Variants in DDX41 observed in about 807,000 individuals in gnomAD.
DDX41 encodes DEAD-box helicase 41.
DDX41 carries 50 observed loss-of-function variants against 78.8 expected under a neutral mutation model. The ratio of observed to expected loss-of-function variants is 0.63; its 90% CI spans 0.51 to 0.80. DDX41 has a LOEUF of 0.80. DDX41 is among the 30% of genes least tolerant of loss of function. DDX41 has a pLI of 0.00. For missense variants in DDX41, 633 were observed against 849.2 expected (o/e 0.75, Z 3.16); for synonymous variants, 381 against 321.5 (o/e 1.19, Z -1.98).
In DDX41 at chr5:177,515,066, T is replaced by TA. The variant is rs745800400; in HGVS notation, c.647dup (p.Ser217IlefsTer4). 4 of 1,612,408 alleles carry TA rather than the reference T, an allele frequency of 2.5e-6. No homozygotes were observed. The highest frequency in any genetic ancestry group is 3.4e-6 in the Non-Finnish European group (4 of 1,178,786). On this transcript the variant is annotated frameshift_variant, in exon 8 of 17. Transcript: ENST00000330503. LOFTEE classifies it high-confidence loss of function. ...CGATGCCTATCATGTCACGGCCAGA[T>TA]AGACTGTTGGGAGAGGATGACCCGA...
rs762031272 is a variant in DDX41, at chr5:177,512,205, A to G, written c.1623T>C (p.Asp541=). ...IATTFINKAC[D]ESVLMDLKAL... is the part of the protein sequence containing the mutation. ...CTTTGAGGTCCATCAGCACTGACTC[A>G]TCTGGGGGAGGAGTGGGGAAGCATC... Residue 541 remains aspartate (D), a splice_region_variant and synonymous_variant, in exon 16 of 17, where the codon GAT becomes GAC. Transcript: ENST00000330503. 1 of 1,613,754 alleles carries G rather than the reference A, an allele frequency of 6.2e-7. No homozygotes were observed. The highest frequency in any genetic ancestry group is 1.7e-5 in the Admixed American group (1 of 60,020).
intron 5 of DDX41, 26 bp downstream of exon 5, chr5:177,515,903 G>A (rs373974491): frequency 6.2e-7 from 1 of 1,614,150 alleles, no homozygotes; most frequent in African/African-American, 1.3e-5. Context: ...CCTAAGCAAG[G>A]GCAACTGCAG....
intron 12 of DDX41, 35 bp from the exon 13 acceptor site, chr5:177,512,911 C>T: frequency 6.2e-7 from 1 of 1,610,426 alleles, no homozygotes; most frequent in Non-Finnish European, 8.5e-7. Flanking sequence ...CAGGGGCTAA[C>T]TGCCTGGGCA....
At position 177,512,688 on chromosome 5, in the gene DDX41, A is replaced by G. The variant is rs780210159; in HGVS notation, c.1400-43T>C. ...GACACTGTCAGAGCCACCATGGGAC[A>G]GGGGAGTGGCAGGCCAACCAGGCAG... On this transcript the variant is annotated intron_variant, in intron 13 of 16. Transcript: ENST00000330503. 15 of 1,613,332 alleles carry G rather than the reference A, an allele frequency of 9.3e-6. No individual in the cohort carries two copies. The Admixed American group carries it at 2.3e-4, about 25-fold the overall frequency.
At position 177,515,082 on chromosome 5, in the gene DDX41, G is replaced by A. The variant is rs1761162679; in HGVS notation, c.645-13C>T. ...ACGGCCAGATAGACTGTTGGGAGAG[G>A]ATGACCCGAGGGCCAATTTCAACAG... On this transcript the variant is annotated splice_polypyrimidine_tract_variant and intron_variant, in intron 7 of 16. Coordinates refer to ENST00000330503, the MANE Select transcript of DDX41 (RefSeq NM_016222.4). The A allele has an allele frequency of 6.2e-7, 1 of 1,611,774 alleles. No individual in the cohort carries two copies. The highest frequency in any genetic ancestry group is 8.5e-7 in the Non-Finnish European group (1 of 1,178,046).
chr5:177,514,457 A>T lies in DDX41; in HGVS notation c.935+244T>A, dbSNP rs994736373. Among the ~76,000 whole-genome samples, 1 of 152,002 alleles carries T rather than the reference A, an allele frequency of 6.6e-6. No individual in the cohort carries two copies. Among genetic ancestry groups the T allele is most frequent in the Non-Finnish European group, 1.5e-5 (1 of 67,960 alleles). On this transcript the variant is annotated intron_variant, in intron 9 of 16. Transcript: ENST00000330503. This position sits in a 1 kb window ranked among gnomAD's most constrained non-coding sequence, Gnocchi z 4.2. ...CACCTTCCCGGAAAAGCCTTCTCTG[A>T]GCTCCCACCTCCCAGATGTCCCCAG...
Position 177,514,622 on chromosome 5 carries a change from G to A in DDX41, c.935+79C>T, listed in dbSNP as rs1761135052. On this transcript the variant is annotated intron_variant, in intron 9 of 16. Transcript: ENST00000330503. This position sits in a 1 kb window ranked among gnomAD's most constrained non-coding sequence, Gnocchi z 4.2. ...AGCCCTCTGTGAAGATCTGTGGAGT[G>A]GCTAAGGTAAAGGGTCCTTTAGCTT... 6.5e-7 allele frequency: 1 copy of A among 1,528,544 alleles called. No homozygotes were observed. Among genetic ancestry groups the A allele is most frequent in the Non-Finnish European group, 8.8e-7 (1 of 1,135,734 alleles). The allele number at this position is 1,528,544 out of a possible 1,614,324, so 94.7% of individuals were successfully genotyped here.
Position 177,514,567 on chromosome 5 carries a change from T to C in DDX41, c.935+134A>G. The C allele has an allele frequency of 7.9e-7, 1 of 1,272,738 alleles. No individual in the cohort carries two copies. Among genetic ancestry groups the C allele is most frequent in the South Asian group, 1.4e-5 (1 of 69,942 alleles). 78.8% of individuals were successfully genotyped at this position (1,272,738 alleles called of 1,614,324 possible). A position where few individuals can be genotyped will look rare whatever the true frequency, so the allele number is the denominator to read the frequency against. ...CCCCCAACTAACCTCCCCATTAGAC[T>C]GGGAGCTCCTTGAGGGTCGCACTCA... is the stretch of plus-strand genomic sequence containing the variant. On this transcript the variant is annotated intron_variant, in intron 9 of 16. Transcript: ENST00000330503. This position sits in a 1 kb window ranked among gnomAD's most constrained non-coding sequence, Gnocchi z 4.2.
intron 2 of DDX41, 129 bp from the exon 3 acceptor site, chr5:177,516,576 G>T (rs1761244615): frequency 1.4e-6 from 2 of 1,399,628 alleles, no homozygotes; most frequent in Non-Finnish European, 2.0e-6. Flanking sequence ...AGATCAAGCC[G>T]TCGGTCCCTC....
Position 177,513,216 on chromosome 5 carries a change from C to T in DDX41, c.1231-134G>A. On this transcript the variant is annotated intron_variant, in intron 11 of 16. Transcript: ENST00000330503. This position sits in a 1 kb window ranked among gnomAD's most constrained non-coding sequence, Gnocchi z 4.6. ...CAAGGGCTGGTGCCCTAAAAATGGCCCTGGTTAAGCGTCAGGGGCTTTGAA... is the reference window on the plus strand; with the variant it reads ...CAAGGGCTGGTGCCCTAAAAATGGCTCTGGTTAAGCGTCAGGGGCTTTGAA... 2.0e-6 allele frequency: 3 copies of T among 1,526,412 alleles called. No homozygotes were observed. The highest frequency in any genetic ancestry group is 2.7e-6 in the Non-Finnish European group (3 of 1,125,350). 94.6% of individuals were successfully genotyped at this position (1,526,412 alleles called of 1,614,324 possible).
intron 6 of DDX41, 25 bp downstream of exon 6, chr5:177,515,660 G>T (rs1334651414): frequency 6.2e-7 from 1 of 1,612,272 alleles, no homozygotes; most frequent in Non-Finnish European, 8.5e-7. Context: ...TAAAAGTGTG[G>T]TATCTCTCTC....
In DDX41 at chr5:177,516,932, T is replaced by A; in HGVS notation, c.14A>T (p.Glu5Val). The change falls in exon 1 of 17, where the codon GAA becomes GTA. Residue 5 changes from glutamate to valine, a missense_variant. Physicochemically the swap from Glu to Val is moderately radical, Grantham distance 121. Transcript: ENST00000330503. Reference sequence around the variant, plus strand: ...CCTCTCTCCTACCTTCCGTTCGGGTTCCGACTCCTCCATTCTTTGCTGCAC... The same window carrying A: ...CCTCTCTCCTACCTTCCGTTCGGGTACCGACTCCTCCATTCTTTGCTGCAC... MEES[E>V]PERKRARTDE... 3.7e-6 allele frequency: 6 copies of A among 1,613,092 alleles called. No homozygotes were observed. In the South Asian group the frequency reaches 6.6e-5, roughly 18 times the overall value.
Position 177,516,739 on chromosome 5 carries a change from G to A in DDX41, c.124C>T (p.Arg42Cys), listed in dbSNP as rs1414400375. 1 of 1,604,542 alleles carries A rather than the reference G, an allele frequency of 6.2e-7. No individual in the cohort carries two copies. Among genetic ancestry groups the A allele is most frequent in the Non-Finnish European group, 8.5e-7 (1 of 1,176,310 alleles). Residue 42 changes from arginine (R) to cysteine (C), a missense_variant, in exon 2 of 17, where the codon CGC becomes TGC. Coordinates refer to ENST00000330503, the MANE Select transcript of DDX41 (RefSeq NM_016222.4). The stretch of plus-strand genomic sequence containing the variant: ...GTGCCCCTCACCAGTAGCTGCCGGC[G>A]CTGCCGTAACGGCACATAGGGCACG... ...DYVPYVPLRQ[R>C]RQLLLQKLLQ...
In DDX41 at chr5:177,514,405, G is replaced by T; in HGVS notation, c.935+296C>A. 1 of 510,368 alleles carries T rather than the reference G, an allele frequency of 2.0e-6. No individual in the cohort carries two copies. The highest frequency in any genetic ancestry group is 2.0e-5 in the South Asian group (1 of 49,866). The allele number at this position is 510,368 out of a possible 1,614,324, so 31.6% of individuals were successfully genotyped here. On this transcript the variant is annotated intron_variant, in intron 9 of 16. Coordinates refer to ENST00000330503, the MANE Select transcript of DDX41 (RefSeq NM_016222.4). This position sits in a 1 kb window ranked among gnomAD's most constrained non-coding sequence, Gnocchi z 4.2. The stretch of plus-strand genomic sequence containing the variant: ...CGTCCGCCTCTGTGCTTTCAGCCTG[G>T]ACTGCCCCTCTTCCCAATTCAAATG...
In DDX41 at chr5:177,514,595, G is replaced by A. The variant is rs1464465901; in HGVS notation, c.935+106C>T. ...GAGCTCCTTGAGGGTCGCACTCACA[G>A]CAGCCCTCTGTGAAGATCTGTGGAG... On this transcript the variant is annotated intron_variant, in intron 9 of 16. Coordinates refer to ENST00000330503, the MANE Select transcript of DDX41 (RefSeq NM_016222.4). This position sits in a 1 kb window ranked among gnomAD's most constrained non-coding sequence, Gnocchi z 4.2. 11 of 1,458,148 alleles carry A rather than the reference G, an allele frequency of 7.5e-6. No homozygotes were observed. 90.3% of individuals were successfully genotyped at this position (1,458,148 alleles called of 1,614,324 possible). A position where few individuals can be genotyped will look rare whatever the true frequency, so the allele number is the denominator to read the frequency against.
chr5:177,511,986 T>C lies in DDX41; in HGVS notation c.1733-59A>G. ...AGGACCAGGATCCATGCCCTGGACT[T>C]CGGGCCCCCCGTTAGGCACCCTCGG... On this transcript the variant is annotated intron_variant, in intron 16 of 16. Transcript: ENST00000330503. 3 of 1,607,118 alleles carry C rather than the reference T, an allele frequency of 1.9e-6. No homozygotes were observed. The South Asian group carries it at 3.3e-5, about 18-fold the overall frequency.
In DDX41 at chr5:177,515,172, C is replaced by A. The variant is rs1449759137; in HGVS notation, c.644+14G>T. ...GCCCTCCTCAAGGACCCCAGGTCCA[C>A]AGTCCACACTCACATGGTGGGGATG... On this transcript the variant is annotated intron_variant, in intron 7 of 16. Coordinates refer to ENST00000330503, the MANE Select transcript of DDX41 (RefSeq NM_016222.4). 1.2e-6 allele frequency: 2 copies of A among 1,614,030 alleles called. No homozygotes were observed.
Position 177,514,188 on chromosome 5 carries a change from C to G in DDX41, c.936-341G>C. On this transcript the variant is annotated intron_variant, in intron 9 of 16. Transcript: ENST00000330503. The surrounding 1 kb of genome is among the most constrained non-coding windows in gnomAD (Gnocchi z 4.2). ...CTGTGCTCACCATCTCCCTAATACT[C>G]AGAAGTCCGTGGAGGAAGGCCTCCG... 1 of 517,162 alleles carries G rather than the reference C, an allele frequency of 1.9e-6. No homozygotes were observed. The highest frequency in any genetic ancestry group is 3.7e-6 in the Non-Finnish European group (1 of 267,268). 32.0% of individuals were successfully genotyped at this position (517,162 alleles called of 1,614,324 possible).
chr5:177,512,682 T>C lies in DDX41; in HGVS notation c.1400-37A>G, dbSNP rs750603790. ...CAGGCAGACACTGTCAGAGCCACCA[T>C]GGGACAGGGGAGTGGCAGGCCAACC... On this transcript the variant is annotated intron_variant, in intron 13 of 16. Coordinates refer to ENST00000330503, the MANE Select transcript of DDX41 (RefSeq NM_016222.4). The C allele has an allele frequency of 3.1e-6, 5 of 1,613,462 alleles. No homozygotes were observed. In the African/African-American group the frequency reaches 6.7e-5, roughly 22 times the overall value.
Sources: allele counts gnomAD v4.1 joint callset (sites outside exome capture counted in the v4.1 genomes callset), GRCh38; gene constraint gnomAD v4.1.1; non-coding constraint Gnocchi (gnomAD v3.1); transcripts MANE v1.5; gene names NCBI Gene and HGNC (gene_info 2026-07-23, HGNC 2026-07-21).